Variants in UTRN observed in about 807,000 individuals in gnomAD.
The protein encoded by UTRN is dystrophin-related protein 1.
In UTRN, 283 loss-of-function variants were observed where a neutral mutation model predicts 463.9. The ratio of observed to expected loss-of-function variants is 0.61; its 90% CI spans 0.55 to 0.67. UTRN has a LOEUF of 0.67. Ranked by LOEUF, UTRN falls within the 30% of genes least tolerant of loss-of-function variation. UTRN has a pLI of 0.00. For synonymous variants in UTRN, 1,442 were observed against 1,431.5 expected, an observed-to-expected ratio of 1.01 and a Z score of -0.17; for missense variants, 3,922 against 4,084.3, an observed-to-expected ratio of 0.96 and a Z score of 1.08.
At chr6:144,426,220 C>T in intron 6 of UTRN, 67 bp from the exon 7 acceptor site, 1 of 1,528,242 alleles carries the variant, frequency 6.5e-7, no homozygotes, top group South Asian at 1.3e-5. Flanking sequence ...TCAAGGACTT[C>T]ATTGAAGTAA....
intron 36 of UTRN, 111 bp from the exon 37 acceptor site, chr6:144,514,539 A>T: frequency 8.7e-7 from 1 of 1,149,926 alleles, no homozygotes; most frequent in Non-Finnish European, 1.2e-6. Flanking sequence ...GAAATCTCTT[A>T]CTGGGGATCC....
chr6:144,454,822 A>G (rs1788660884), intron 19 of UTRN, among the ~76,000 whole-genome samples: 1 of 152,054 alleles, frequency 6.6e-6, no homozygotes, highest in Non-Finnish European at 1.5e-5. Flanking sequence ...TGGAAGTAAA[A>G]TTTACTTACA....
intron 61 of UTRN, among the ~76,000 whole-genome samples, chr6:144,786,825 T>C (rs1370030723): frequency 1.3e-5 from 2 of 152,146 alleles, no homozygotes; most frequent in Admixed American, 6.5e-5. Context: ...CATAAAGGAT[T>C]GTCTCATATG....
chr6:144,433,442 C>T (rs1419294808), intron 9 of UTRN, among the ~76,000 whole-genome samples: 4 of 150,784 alleles, frequency 2.7e-5, no homozygotes, highest in East Asian at 4.0e-4. Flanking sequence ...GGCTGCCGGG[C>T]GGAGGGGCTC....
intron 3 of UTRN, among the ~76,000 whole-genome samples, chr6:144,407,882 G>A (rs996061329): frequency 6.6e-6 from 1 of 152,074 alleles, no homozygotes; most frequent in African/African-American, 2.4e-5. Context: ...ATTTTTAAAA[G>A]TTATGAAGAG....
intron 51 of UTRN, among the ~76,000 whole-genome samples, chr6:144,642,040 G>A (rs1355008141): frequency 6.6e-6 from 1 of 152,176 alleles, no homozygotes; most frequent in East Asian, 1.9e-4. Context: ...GGCATAGAGT[G>A]TATGTCCCTT....
chr6:144,797,352 C>T (rs1470642467), intron 63 of UTRN, among the ~76,000 whole-genome samples: 1 of 152,108 alleles, frequency 6.6e-6, no homozygotes, highest in African/African-American at 2.4e-5. Context: ...CAAGGCCCAG[C>T]TAATTTTGTG....
intron 51 of UTRN, among the ~76,000 whole-genome samples, chr6:144,627,276 G>A (rs1011407091): frequency 1.3e-5 from 2 of 152,148 alleles, no homozygotes; most frequent in Non-Finnish European, 2.9e-5. Flanking sequence ...CCATTGTAAA[G>A]GCCAAAGCAT....
chr6:144,824,972 T>TG (rs1203442152), intron 66 of UTRN, among the ~76,000 whole-genome samples: 1 of 152,016 alleles, frequency 6.6e-6, no homozygotes, highest in Non-Finnish European at 1.5e-5. Flanking sequence ...TTTGTGGAGA[T>TG]GGGGTCTCAT....
At chr6:144,749,173 C>T (rs574889511) in intron 55 of UTRN, among the ~76,000 whole-genome samples, 7 of 152,046 alleles carry the variant, frequency 4.6e-5, no homozygotes, top group Non-Finnish European at 8.8e-5. Flanking sequence ...TATTCTAGAA[C>T]ATCTCCTGAA....
intron 51 of UTRN, among the ~76,000 whole-genome samples, chr6:144,589,976 C>T (rs954331183): frequency 3.3e-5 from 5 of 152,014 alleles, no homozygotes; most frequent in South Asian, 2.1e-4. Flanking sequence ...CTCAGCCTCT[C>T]GAGTAGCTGG....
intron 65 of UTRN, among the ~76,000 whole-genome samples, chr6:144,818,889 G>GTTT (rs145196641): frequency 2.1e-5 from 3 of 139,960 alleles, no homozygotes; most frequent in African/African-American, 2.7e-5. Context: ...ACTACAATCT[G>GTTT]TTGTTTTTTT....
intron 2 of UTRN, among the ~76,000 whole-genome samples, chr6:144,298,112 A>AT (rs150044264): frequency 0.11 from 16,597 of 151,508 alleles, 1,294 homozygotes; most frequent in African/African-American, 0.22. Flanking sequence ...CATTGGCTGG[A>AT]TTTTTTTTTC....
intron 63 of UTRN, among the ~76,000 whole-genome samples, chr6:144,794,594 C>T (rs1777054151): frequency 6.6e-6 from 1 of 152,166 alleles, no homozygotes; most frequent in Non-Finnish European, 1.5e-5. Flanking sequence ...GTGTTTGTTT[C>T]TTCTCTAGGA....
intron 74 of UTRN, among the ~76,000 whole-genome samples, chr6:144,848,371 A>G (rs540854515): frequency 6.6e-6 from 1 of 152,320 alleles, no homozygotes; most frequent in Non-Finnish European, 1.5e-5. Flanking sequence ...ATTGGCATTT[A>G]AAAAGTTGAA....
At chr6:144,566,683 A>C (rs1364939444) in intron 50 of UTRN, among the ~76,000 whole-genome samples, 2 of 152,224 alleles carry the variant, frequency 1.3e-5, no homozygotes, top group African/African-American at 4.8e-5. Context: ...CCTGAAGCTC[A>C]GTATAGGAAC....
intron 46 of UTRN, among the ~76,000 whole-genome samples, chr6:144,543,611 C>T (rs9497000): frequency 6.6e-6 from 1 of 152,080 alleles, no homozygotes; most frequent in Admixed American, 6.5e-5. Flanking sequence ...TTTTCTTCTC[C>T]CTTGTCCTTC....
chr6:144,500,963 A>G (rs1794118861), intron 34 of UTRN, among the ~76,000 whole-genome samples: 1 of 152,202 alleles, frequency 6.6e-6, no homozygotes, highest in African/African-American at 2.4e-5. Context: ...AGCCACAAGT[A>G]TCAGTTTGAC....
chr6:144,414,767 G>C (rs1235147736), intron 3 of UTRN, among the ~76,000 whole-genome samples: 1 of 150,460 alleles, frequency 6.6e-6, no homozygotes, highest in Non-Finnish European at 1.5e-5. Flanking sequence ...CCAGGCTGGA[G>C]TGCAGTGGCG....
Sources: gnomAD v4.1 joint callset for allele counts (sites outside exome capture counted in the v4.1 genomes callset) on GRCh38, gnomAD v4.1.1 for gene constraint, MANE v1.5 for transcripts, NCBI Gene and HGNC (gene_info 2026-07-23, HGNC 2026-07-21) for gene names.